Variants in SEMA4A observed in about 807,000 individuals in gnomAD.
SEMA4A encodes semaphorin-4A.
In SEMA4A, 52 loss-of-function variants were observed where a neutral mutation model predicts 72.5. That is an observed-to-expected ratio of 0.72 (90% CI 0.57 to 0.90). The LOEUF (loss-of-function observed/expected upper bound fraction) is 0.90, where lower values mean the gene tolerates loss of function less well. Among genes scored for constraint, SEMA4A ranks in the 40% least tolerant of loss-of-function variants. SEMA4A has a pLI of 0.00. For missense variants in SEMA4A, 926 were observed against 959.7 expected (o/e 0.96, Z 0.46); for synonymous variants, 369 against 393.1 (o/e 0.94, Z 0.73).
At chr1:156,175,998 G>A (rs1035494462) in intron 14 of SEMA4A, among the ~76,000 whole-genome samples, 1 of 152,088 alleles carries the variant, frequency 6.6e-6, no homozygotes, top group Non-Finnish European at 1.5e-5. Context: ...TAGGGTCCAG[G>A]CCAGGCTCAG....
intron 7 of SEMA4A, 145 bp from the exon 8 acceptor site, chr1:156,160,760 C>G: frequency 8.1e-7 from 1 of 1,234,088 alleles, no homozygotes; most frequent in Non-Finnish European, 1.2e-6. Context: ...TCATCCCCAC[C>G]CCACATCGCT....
rs1652839236 is a variant in SEMA4A, at chr1:156,154,646, A to G, written c.68A>G (p.Gln23Arg). The stretch of plus-strand genomic sequence containing the variant: ...GGCCTTTTCCTCTTCCAACTGCTTC[A>G]GCTGCTGCTGCCGACGACGACCGCG... ...LLGLFLFQLLQLLLPTTTAGG... is the reference protein window; with the variant it reads ...LLGLFLFQLLRLLLPTTTAGG... Residue 23 changes from glutamine to arginine, a missense_variant, in exon 2 of 15, where the codon CAG (glutamine) becomes CGG (arginine). Gln to Arg is a conservative substitution (Grantham distance 43, BLOSUM62 1). Coordinates refer to ENST00000368285, the MANE Select transcript of SEMA4A (RefSeq NM_022367.4). 1 of 1,608,518 alleles carries G rather than the reference A, an allele frequency of 6.2e-7. No homozygotes were observed. Among genetic ancestry groups the G allele is most frequent in the Non-Finnish European group, 8.5e-7 (1 of 1,178,062 alleles).
rs764107148 is a variant in SEMA4A at position 156,158,381 on chromosome 1, C to T, written c.364-7C>T. On this transcript the variant is annotated splice_polypyrimidine_tract_variant and splice_region_variant and intron_variant, in intron 4 of 14. Transcript: ENST00000368285. ...GCCTGGAGACCTAAATTCTCTGTCT[C>T]CCTCAGACACAGTGTTTCAACTTCA... The T allele has an allele frequency of 6.2e-7, 1 of 1,610,178 alleles. No homozygotes were observed. The highest frequency in any genetic ancestry group is 1.1e-5 in the South Asian group (1 of 90,990).
At chr1:156,161,255 G>A (rs2102959265) in intron 8 of SEMA4A, 91 bp from the exon 9 acceptor site, 1 of 884,160 alleles carries the variant, frequency 1.1e-6, no homozygotes, top group Non-Finnish European at 1.6e-6. Context: ...GGGACTGGGG[G>A]GACACGCCGA....
chr1:156,176,272 G>A (rs1341268113), intron 14 of SEMA4A, 133 bp from the exon 15 acceptor site: 1 of 703,998 alleles, frequency 1.4e-6, no homozygotes, highest in Non-Finnish European at 2.4e-6. Context: ...CTCCAGCCTG[G>A]GCAATAGAGC....
chr1:156,176,273 G>A (rs1272216180), intron 14 of SEMA4A, 132 bp from the exon 15 acceptor site: 19 of 707,220 alleles, frequency 2.7e-5, no homozygotes, highest in Non-Finnish European at 4.5e-5. Flanking sequence ...TCCAGCCTGG[G>A]CAATAGAGCC....
chr1:156,151,791 G>A (rs529568671), upstream of SEMA4A, among the ~76,000 whole-genome samples: 4 of 126,412 alleles, frequency 3.2e-5, no homozygotes, highest in Non-Finnish European at 6.2e-5. Flanking sequence ...AGCCGAGATC[G>A]CACCACCACA....
intron 6 of SEMA4A, 100 bp downstream of exon 6, chr1:156,158,924 G>C: frequency 9.5e-7 from 1 of 1,048,220 alleles, no homozygotes; most frequent in Middle Eastern, 2.0e-4. Flanking sequence ...AGGGGAAACT[G>C]GGTGTGGTGA....
At chr1:156,167,224 C>T (rs554576911) in intron 10 of SEMA4A, among the ~76,000 whole-genome samples, 1 of 151,472 alleles carries the variant, frequency 6.6e-6, no homozygotes, top group Non-Finnish European at 1.5e-5. Flanking sequence ...TACAGTGGCT[C>T]GAGCCTGCAA....
At chr1:156,154,458 C>A in intron 1 of SEMA4A, 92 bp from the exon 2 acceptor site, 1 of 1,203,496 alleles carries the variant, frequency 8.3e-7, no homozygotes, top group Non-Finnish European at 1.2e-6. Flanking sequence ...CCAATACACA[C>A]GCTTCTGCTG....
rs375045484 is a variant in SEMA4A at position 156,175,083 on chromosome 1, C to T, written c.1435-3C>T. ...TCCCTGACAATCTCCATCTCTCTTC[C>T]AGGGTGCAGTGTTTGTAGGCTTCTC... On this transcript the variant is annotated splice_polypyrimidine_tract_variant and splice_region_variant and intron_variant, in intron 12 of 14. Coordinates refer to ENST00000368285, the MANE Select transcript of SEMA4A (RefSeq NM_022367.4). 34 of 1,614,076 alleles carry T rather than the reference C, an allele frequency of 2.1e-5. No homozygotes were observed. The highest frequency in any genetic ancestry group is 5.3e-5 in the African/African-American group (4 of 74,924).
At chr1:156,166,997 C>T (rs1239183096) in intron 10 of SEMA4A, among the ~76,000 whole-genome samples, 1 of 151,724 alleles carries the variant, frequency 6.6e-6, no homozygotes, top group Non-Finnish European at 1.5e-5. Context: ...ACCTCCTGGG[C>T]TCAAGTGATC....
At position 156,161,400 on chromosome 1, in the gene SEMA4A, G is replaced by A. The variant is rs1181279897; in HGVS notation, c.865G>A (p.Ala289Thr). 6.2e-7 allele frequency: 1 copy of A among 1,600,944 alleles called. No homozygotes were observed. Among genetic ancestry groups the A allele is most frequent in the Non-Finnish European group, 8.5e-7 (1 of 1,171,538 alleles). ...LQKKWTTFLK[A>T]QLLCTQPGQL... ...GAAGAAGTGGACCACCTTCCTGAAG[G>A]CCCAGCTGCTCTGCACCCAGCCGGG... Residue 289 changes from alanine to threonine, a missense_variant, in exon 9 of 15, where the codon GCC (alanine) becomes ACC (threonine). Ala to Thr is a moderately conservative substitution (Grantham distance 58). Transcript: ENST00000368285.
At chr1:156,161,568 G>A (rs1653670038) in intron 9 of SEMA4A, 50 bp downstream of exon 9, 1 of 1,599,904 alleles carries the variant, frequency 6.3e-7, no homozygotes, top group Admixed American at 1.7e-5. Context: ...CTTGACGCCA[G>A]TGAGGCCCCA....
At chr1:156,166,305 A>G (rs949730766) in intron 10 of SEMA4A, among the ~76,000 whole-genome samples, 34 of 152,268 alleles carry the variant, frequency 2.2e-4, no homozygotes, top group African/African-American at 8.2e-4. Flanking sequence ...GGCCTCCTAA[A>G]GTGCTGGGAT....
At chr1:156,155,357 C>G (rs1470262770) in intron 2 of SEMA4A, 1 of 152,904 alleles carries the variant, frequency 6.5e-6, no homozygotes, top group Non-Finnish European at 1.5e-5. Context: ...TAGCATCTTT[C>G]TGGGGCAATT....
upstream of SEMA4A, among the ~76,000 whole-genome samples, chr1:156,150,989 C>T (rs377210156): frequency 9.9e-4 from 151 of 152,206 alleles, no homozygotes; most frequent in Middle Eastern, 6.8e-3. Flanking sequence ...CTGACCCCTT[C>T]CCACTGCCAC....
intron 14 of SEMA4A, 81 bp from the exon 15 acceptor site, chr1:156,176,324 C>A: frequency 9.1e-7 from 1 of 1,097,718 alleles, no homozygotes; most frequent in South Asian, 1.4e-5. Flanking sequence ...GGGCTGGGGT[C>A]CAAAGATAGG....
At position 156,161,049 on chromosome 1, in the gene SEMA4A, G is replaced by A. The variant is rs368280550; in HGVS notation, c.810+20G>A. On this transcript the variant is annotated intron_variant, in intron 8 of 14. Transcript: ENST00000368285. Reference sequence around the variant, plus strand: ...TGCAAGGTCCGCGGCCTGGGCGGGGGGCGGGGCTAACTGGAGGAGAACCAA... The same window carrying A: ...TGCAAGGTCCGCGGCCTGGGCGGGGAGCGGGGCTAACTGGAGGAGAACCAA... The A allele has an allele frequency of 1.0e-5, 13 of 1,253,938 alleles. No individual in the cohort carries two copies. Among genetic ancestry groups the A allele is most frequent in the East Asian group, 2.4e-5 (1 of 41,688 alleles). 77.7% of individuals were successfully genotyped at this position (1,253,938 alleles called of 1,614,324 possible).
Sources: allele counts gnomAD v4.1 joint callset (sites outside exome capture counted in the v4.1 genomes callset), GRCh38; gene constraint gnomAD v4.1.1; transcripts MANE v1.5; gene names NCBI Gene and HGNC (gene_info 2026-07-23, HGNC 2026-07-21).